Variants in SRPK2 observed in about 807,000 individuals in gnomAD.
The protein encoded by SRPK2 is SRSF protein kinase 2, also known as SFRS protein kinase 2.
A neutral mutation model predicts 90.8 loss-of-function variants in SRPK2; 21 were observed. The ratio of observed to expected loss-of-function variants is 0.23; its 90% CI spans 0.16 to 0.33. The LOEUF (loss-of-function observed/expected upper bound fraction) is 0.33. Among genes scored for constraint, SRPK2 ranks in the 10% least tolerant of loss-of-function variants. The pLI, the probability that SRPK2 is intolerant of heterozygous loss-of-function variation, is 1.00. For synonymous variants in SRPK2, 288 were observed against 311.1 expected (o/e 0.93, Z 0.78); for missense variants, 620 against 869.0 (o/e 0.71, Z 3.60).
chr7:105,296,662 G>C (rs946590611), intron 2 of SRPK2, among the ~76,000 whole-genome samples: 35 of 152,152 alleles, frequency 2.3e-4, no homozygotes, highest in African/African-American at 7.5e-4. Flanking sequence ...AAGGAGAGAT[G>C]GCATCATAGG....
intron 2 of SRPK2, among the ~76,000 whole-genome samples, chr7:105,328,841 G>A (rs567630253): frequency 4.8e-4 from 72 of 149,782 alleles, no homozygotes; most frequent in Non-Finnish European, 9.6e-4. Context: ...CTCCAGCCTG[G>A]GTGACAGAGT....
chr7:105,134,009 C>T (rs1427336871), intron 11 of SRPK2, among the ~76,000 whole-genome samples: 1 of 152,154 alleles, frequency 6.6e-6, no homozygotes, highest in Admixed American at 6.5e-5. Context: ...TTAAAGTCAG[C>T]ATCTTCATCA....
At chr7:105,133,310 G>A (rs957425007) in intron 11 of SRPK2, among the ~76,000 whole-genome samples, 2 of 152,204 alleles carry the variant, frequency 1.3e-5, no homozygotes, top group Admixed American at 6.5e-5. Context: ...AAACTGGGCT[G>A]CCCACAGGAC....
chr7:105,352,238 C>T (rs1159106978), intron 2 of SRPK2, among the ~76,000 whole-genome samples: 1 of 152,140 alleles, frequency 6.6e-6, no homozygotes, highest in Non-Finnish European at 1.5e-5. Flanking sequence ...CTGAACTCTC[C>T]CTTGAGTGTG....
At chr7:105,148,028 T>C (rs1804922546) in intron 7 of SRPK2, among the ~76,000 whole-genome samples, 1 of 152,254 alleles carries the variant, frequency 6.6e-6, no homozygotes, top group South Asian at 2.1e-4. Flanking sequence ...ACCTAGGAGT[T>C]ACCGTACTTA....
At chr7:105,367,409 C>T (rs146995771) in intron 2 of SRPK2, among the ~76,000 whole-genome samples, 110 of 152,160 alleles carry the variant, frequency 7.2e-4, no homozygotes, top group African/African-American at 2.5e-3. Flanking sequence ...ACTATAGGCA[C>T]GCACCACTAC....
rs969890161 is a variant in SRPK2 at position 105,210,915 on chromosome 7, A to G, written c.72-7130T>C. Among the ~76,000 whole-genome samples the G allele has an allele frequency of 2.0e-5, 3 of 152,294 alleles. 1 individual carries two copies. The highest frequency in any genetic ancestry group is 2.0e-4 in the Admixed American group (3 of 15,292). ...GTGCTCCCTGCCAACAGCTAGAAGA[A>G]TAGTAAGATAACAAAGACCTCAGTT... On this transcript the variant is annotated intron_variant, in intron 2 of 15. Coordinates refer to ENST00000393651, the MANE Select transcript of SRPK2 (RefSeq NM_182692.3).
intron 2 of SRPK2, among the ~76,000 whole-genome samples, chr7:105,358,254 G>C (rs1029210941): frequency 7.0e-6 from 1 of 143,388 alleles, no homozygotes; most frequent in South Asian, 2.2e-4. Context: ...AACACCCCAC[G>C]TACAACTTCT....
chr7:105,285,494 T>C (rs1807972436), intron 2 of SRPK2, among the ~76,000 whole-genome samples: 1 of 151,568 alleles, frequency 6.6e-6, no homozygotes, highest in East Asian at 1.9e-4. Context: ...GTATTTCAAA[T>C]AAATTATATG....
intron 3 of SRPK2, among the ~76,000 whole-genome samples, chr7:105,172,809 T>C (rs772979409): frequency 3.9e-5 from 6 of 152,250 alleles, no homozygotes; most frequent in Admixed American, 6.5e-5. Context: ...AAAATCTATA[T>C]ACTACTTAAA....
At chr7:105,382,550 C>A (rs1429425871) in intron 2 of SRPK2, among the ~76,000 whole-genome samples, 1 of 44,562 alleles carries the variant, frequency 2.2e-5, no homozygotes. Flanking sequence ...AAAACTCCAT[C>A]TCAAAAAAAA....
intron 2 of SRPK2, among the ~76,000 whole-genome samples, chr7:105,306,902 G>A (rs998586206): frequency 6.6e-6 from 1 of 152,134 alleles, no homozygotes; most frequent in Non-Finnish European, 1.5e-5. Context: ...TATAGATATG[G>A]AGACTCACAC....
chr7:105,223,312 T>C (rs1458485524), intron 2 of SRPK2, among the ~76,000 whole-genome samples: 1 of 152,242 alleles, frequency 6.6e-6, no homozygotes, highest in Non-Finnish European at 1.5e-5. Flanking sequence ...AGGCTCCTAA[T>C]AGGCTGACCA....
intron 6 of SRPK2, among the ~76,000 whole-genome samples, chr7:105,163,151 A>C (rs145475891): frequency 1.4e-3 from 210 of 152,370 alleles, no homozygotes; most frequent in African/African-American, 4.7e-3. Flanking sequence ...TTTTGAAAAC[A>C]CTATGCATAG....
At chr7:105,287,044 G>A (rs1388252814) in intron 2 of SRPK2, among the ~76,000 whole-genome samples, 5 of 150,530 alleles carry the variant, frequency 3.3e-5, no homozygotes, top group South Asian at 2.1e-4. Context: ...GGCGGATCAC[G>A]AGGTCAGGAG....
intron 15 of SRPK2, among the ~76,000 whole-genome samples, chr7:105,121,743 C>T (rs1186669289): frequency 3.3e-5 from 5 of 152,210 alleles, no homozygotes; most frequent in Non-Finnish European, 7.3e-5. Flanking sequence ...ACTGTACTGG[C>T]CAGTCCTGGA....
At chr7:105,388,564 C>T in intron 2 of SRPK2, 84 bp downstream of exon 2, 3 of 1,289,658 alleles carry the variant, frequency 2.3e-6, no homozygotes, top group Admixed American at 2.3e-5. Context: ...GGCCCGGGGA[C>T]CCGGACAACT....
intron 2 of SRPK2, among the ~76,000 whole-genome samples, chr7:105,363,951 G>T (rs1024740647): frequency 1.3e-5 from 2 of 151,276 alleles, no homozygotes; most frequent in Non-Finnish European, 2.9e-5. Flanking sequence ...ACCAAACACC[G>T]CATGTTCTCA....
chr7:105,178,614 T>G (rs1585070445), intron 3 of SRPK2, among the ~76,000 whole-genome samples: 1 of 149,296 alleles, frequency 6.7e-6, no homozygotes, highest in Non-Finnish European at 1.5e-5. Flanking sequence ...AAGCCAGGAG[T>G]TCGAGACTAG....
Sources: allele counts gnomAD v4.1 joint callset (sites outside exome capture counted in the v4.1 genomes callset), GRCh38; gene constraint gnomAD v4.1.1; transcripts MANE v1.5; gene names NCBI Gene and HGNC (gene_info 2026-07-23, HGNC 2026-07-21).